The following CLSTN2 variants were observed in gnomAD, a reference collection of about 807,000 sequenced individuals.
CLSTN2 encodes the protein calsyntenin-2.
In CLSTN2, 48 loss-of-function variants were observed where a neutral mutation model predicts 101.2. That is an observed-to-expected ratio of 0.47 (90% confidence interval 0.38 to 0.60). The LOEUF (loss-of-function observed/expected upper bound fraction) is 0.60. CLSTN2 is among the 20% of genes least tolerant of loss of function. The pLI is 0.00. For synonymous variants in CLSTN2, 481 were observed against 463.6 expected, an observed-to-expected ratio of 1.04 and a Z score of -0.48; for missense variants, 1,160 against 1,238.2, an observed-to-expected ratio of 0.94 and a Z score of 0.95.
At chr3:140,046,502 A>G (rs1446882191) in intron 1 of CLSTN2, among the ~76,000 whole-genome samples, 1 of 152,284 alleles carries the variant, frequency 6.6e-6, no homozygotes, top group East Asian at 1.9e-4. Context: ...TGGAGCATTT[A>G]GCCCATTTAC....
chr3:140,189,829 G>A (rs1038986953), intron 2 of CLSTN2, among the ~76,000 whole-genome samples: 22 of 151,914 alleles, frequency 1.4e-4, no homozygotes, highest in Non-Finnish European at 2.9e-5. Flanking sequence ...CCATTGAATT[G>A]CACCTTGGTC....
intron 2 of CLSTN2, among the ~76,000 whole-genome samples, chr3:140,224,175 T>C (rs1052162210): frequency 2.0e-5 from 3 of 152,220 alleles, no homozygotes; most frequent in African/African-American, 7.2e-5. Flanking sequence ...TTTGCAGTCA[T>C]ATCCATCTAG....
chr3:139,969,757 G>A (rs778279029), intron 1 of CLSTN2, among the ~76,000 whole-genome samples: 3 of 152,116 alleles, frequency 2.0e-5, no homozygotes, highest in Admixed American at 6.5e-5. Context: ...TGTGCCTCCA[G>A]CCTCCTTTCA....
At chr3:140,406,731 AG>A (rs1044458473) in intron 4 of CLSTN2, among the ~76,000 whole-genome samples, 1 of 152,168 alleles carries the variant, frequency 6.6e-6, no homozygotes, top group Non-Finnish European at 1.5e-5. Context: ...ATCCCATAAA[AG>A]CTTTGGAATT....
intron 4 of CLSTN2, among the ~76,000 whole-genome samples, chr3:140,406,307 T>C (rs554797948): frequency 4.6e-5 from 7 of 152,296 alleles, no homozygotes; most frequent in African/African-American, 1.7e-4. Context: ...CTCATCCCTG[T>C]CTTTAAGTAG....
chr3:140,486,577 A>G lies in CLSTN2; in HGVS notation c.1344+19846A>G, dbSNP rs949637573. Among the ~76,000 whole-genome samples the G allele has an allele frequency of 3.3e-5, 5 of 152,216 alleles. No homozygotes were observed. The East Asian group carries it at 7.7e-4, about 23-fold the overall frequency. On this transcript the variant is annotated intron_variant, in intron 8 of 16. Coordinates refer to ENST00000458420, the MANE Select transcript of CLSTN2 (RefSeq NM_022131.3). ...GAAGGCCCACTTTAGTTCAGAGTCT[A>G]TGAGTACTCAGGCAGAGGGAGGAGT...
At chr3:140,434,165 G>C (rs978582699) in intron 5 of CLSTN2, among the ~76,000 whole-genome samples, 3 of 152,082 alleles carry the variant, frequency 2.0e-5, no homozygotes, top group Admixed American at 6.6e-5. Context: ...CTCTAAAGTG[G>C]GCAGAACAGT....
intron 1 of CLSTN2, among the ~76,000 whole-genome samples, chr3:140,047,429 T>G (rs1459821948): frequency 1.3e-5 from 2 of 152,206 alleles, no homozygotes; most frequent in Middle Eastern, 3.2e-3. Context: ...TATTTCTAAC[T>G]GCCATATAAT....
At chr3:140,113,129 G>A (rs1449676062) in intron 1 of CLSTN2, among the ~76,000 whole-genome samples, 2 of 152,050 alleles carry the variant, frequency 1.3e-5, no homozygotes, top group Admixed American at 6.6e-5. Context: ...AATTGGCCAC[G>A]GATGGAATTT....
At chr3:140,127,045 T>TATATGTATCATGTGTC (rs1244440687) in intron 1 of CLSTN2, among the ~76,000 whole-genome samples, 1 of 152,078 alleles carries the variant, frequency 6.6e-6, no homozygotes, top group African/African-American at 2.4e-5. Context: ...CATGTGTCAT[T>TATATGTATCATGTGTC]ATATGTATCA....
At chr3:140,131,097 T>C (rs1560104299) in intron 1 of CLSTN2, among the ~76,000 whole-genome samples, 1 of 152,112 alleles carries the variant, frequency 6.6e-6, no homozygotes. Flanking sequence ...CATACTTCCA[T>C]TGGATCTTAA....
At chr3:140,278,807 C>A (rs1378812242) in intron 2 of CLSTN2, among the ~76,000 whole-genome samples, 1 of 152,106 alleles carries the variant, frequency 6.6e-6, no homozygotes, top group Non-Finnish European at 1.5e-5. Flanking sequence ...GCAGCCTCTA[C>A]CTCCTGGGCT....
At chr3:140,545,736 G>C (rs76259811) in intron 9 of CLSTN2, among the ~76,000 whole-genome samples, 4,284 of 152,238 alleles carry the variant, frequency 0.028, 74 homozygotes, top group East Asian at 0.052. Context: ...CAAGCACTTG[G>C]AACACTTGCA....
chr3:140,093,615 G>A (rs2008817498), intron 1 of CLSTN2, among the ~76,000 whole-genome samples: 1 of 152,252 alleles, frequency 6.6e-6, no homozygotes, highest in Non-Finnish European at 1.5e-5. Flanking sequence ...ACTGTGGCAG[G>A]GTTGGGGACA....
intron 1 of CLSTN2, among the ~76,000 whole-genome samples, chr3:140,121,873 A>G (rs541533531): frequency 1.3e-5 from 2 of 152,298 alleles, no homozygotes; most frequent in East Asian, 1.9e-4. Context: ...TACGCTGCCA[A>G]CACAGGAACA....
chr3:140,100,208 G>A (rs569098276), intron 1 of CLSTN2, among the ~76,000 whole-genome samples: 7 of 147,800 alleles, frequency 4.7e-5, no homozygotes, highest in East Asian at 4.0e-4. Context: ...AGTCCTAACC[G>A]TCTATTTATC....
chr3:140,427,274 AAG>A (rs1163860378), intron 5 of CLSTN2, among the ~76,000 whole-genome samples: 12 of 144,914 alleles, frequency 8.3e-5, no homozygotes, highest in Non-Finnish European at 1.6e-4. Flanking sequence ...TTAAAAAATA[AAG>A]AGAGAACAGG....
chr3:140,372,163 C>T (rs933267577), intron 2 of CLSTN2, among the ~76,000 whole-genome samples: 1 of 152,206 alleles, frequency 6.6e-6, no homozygotes, highest in Admixed American at 6.5e-5. Context: ...TCTCCCCAGC[C>T]ACCGTGCTCC....
intron 8 of CLSTN2, among the ~76,000 whole-genome samples, chr3:140,487,487 T>C (rs1934262275): frequency 6.6e-6 from 1 of 152,226 alleles, no homozygotes; most frequent in Non-Finnish European, 1.5e-5. Context: ...GAGAATGAGT[T>C]GGTGTTTGTT....
Sources: gnomAD v4.1 joint callset for allele counts (sites outside exome capture counted in the v4.1 genomes callset) on GRCh38, gnomAD v4.1.1 for gene constraint, MANE v1.5 for transcripts, NCBI Gene and HGNC (gene_info 2026-07-23, HGNC 2026-07-21) for gene names.